LRWD1: variants seen among roughly 807,000 people sequenced by gnomAD.
LRWD1 encodes leucine rich repeats and WD repeat domain containing 1.
LRWD1 carries 76 observed loss-of-function variants against 75.6 expected under a neutral mutation model. The observed-to-expected ratio is 1.01, with a 90% CI of 0.84 to 1.22. The LOEUF is 1.22. LRWD1 is among the 50% of genes most tolerant of loss of function. The pLI is 0.00. For missense variants in LRWD1, 917 were observed against 862.0 expected (o/e 1.06, Z -0.80); for synonymous variants, 487 against 377.0 (o/e 1.29, Z -3.38).
In LRWD1 at chr7:102,472,768, A is replaced by C. The variant is rs1798249215; in HGVS notation, c.1767A>C (p.Pro589=). The C allele has an allele frequency of 6.2e-7, 1 of 1,613,128 alleles. No individual in the cohort carries two copies. The highest frequency in any genetic ancestry group is 1.7e-5 in the Admixed American group (1 of 59,984). ...LYDVSNILKQ[P]PLLPAALQAP... ...ACGTCAGCAACATCCTGAAGCAGCC[A>C]CCCCTGCTGCCGGCAGCCCTGCAGG... The change falls in exon 14 of 15, where the codon CCA becomes CCC. Residue 589 remains proline, a synonymous_variant. Coordinates refer to ENST00000292616, the MANE Select transcript of LRWD1 (RefSeq NM_152892.3).
rs745627593 is a variant in LRWD1, at chr7:102,473,009, T to G, written c.1904T>G (p.Leu635Arg). 1 of 1,613,778 alleles carries G rather than the reference T, an allele frequency of 6.2e-7. No individual in the cohort carries two copies. The highest frequency in any genetic ancestry group is 1.1e-5 in the South Asian group (1 of 91,082). ...GCCTCCTTCACCTACCTCACCGCCCTGACGGACTCCAACATCGTAGCCATC... is the reference window on the plus strand; with the variant it reads ...GCCTCCTTCACCTACCTCACCGCCCGGACGGACTCCAACATCGTAGCCATC... ...ANASFTYLTA[L>R]TDSNIVAIWG... Residue 635 changes from leucine to arginine, a missense_variant, in exon 15 of 15, where the codon CTG (leucine) becomes CGG (arginine). Leu to Arg is a moderately radical substitution (Grantham distance 102). Transcript: ENST00000292616.
intron 11 of LRWD1, 43 bp downstream of exon 11, chr7:102,469,925 G>C (rs372376061): frequency 6.8e-7 from 1 of 1,460,492 alleles, no homozygotes; most frequent in Non-Finnish European, 9.0e-7. Context: ...GGCCTCTGCA[G>C]AGGGTGGCTG....
In LRWD1 at chr7:102,472,514, G is replaced by T. The variant is rs1474080229; in HGVS notation, c.1595G>T (p.Gly532Val). 1.5e-5 allele frequency: 23 copies of T among 1,557,582 alleles called. No individual in the cohort carries two copies. Among genetic ancestry groups the T allele is most frequent in the Non-Finnish European group, 1.9e-5 (22 of 1,152,550 alleles). Residue 532 changes from glycine (G) to valine (V), a missense_variant, in exon 13 of 15, where the codon GGC (glycine) becomes GTC (valine). Physicochemically the swap from Gly to Val is moderately radical, Grantham distance 109. Coordinates refer to ENST00000292616, the MANE Select transcript of LRWD1 (RefSeq NM_152892.3). Reference sequence around the variant, plus strand: ...TGGAGCTGGAGGCAGACGTGGGGGGGCCGGGGCAGCCAGTCCACGGTGGCA... The same window carrying T: ...TGGAGCTGGAGGCAGACGTGGGGGGTCCGGGGCAGCCAGTCCACGGTGGCA... ...CLWSWRQTWG[G>V]RGSQSTVAVV...
At chr7:102,467,139 AGGCACCTGGGT>A (rs1563654059) in intron 3 of LRWD1, among the ~76,000 whole-genome samples, 189 bp from the exon 4 acceptor site, 17 of 45,958 alleles carry the variant, frequency 3.7e-4, no homozygotes, top group East Asian at 9.6e-4. Context: ...GTGTGTGTGT[AGGCACCTGGGT>A]TGTTGCTGGG....
chr7:102,467,418 A>T lies in LRWD1; in HGVS notation c.512A>T (p.Lys171Met). 4 of 1,613,800 alleles carry T rather than the reference A, an allele frequency of 2.5e-6. No homozygotes were observed. The highest frequency in any genetic ancestry group is 3.4e-6 in the Non-Finnish European group (4 of 1,179,956). ...EAEKAQADFVKSAVRDVRYGP... is the reference protein window; with the variant it reads ...EAEKAQADFVMSAVRDVRYGP... The stretch of plus-strand genomic sequence containing the variant: ...GAGAAGGCCCAGGCGGACTTTGTGA[A>T]GTCGGCTGTCAGGGATGTCCGCTAC... The change falls in exon 4 of 15, where the codon AAG becomes ATG. Residue 171 changes from lysine (K) to methionine (M), a missense_variant. Transcript: ENST00000292616.
rs1201743113 is a variant in LRWD1, at chr7:102,468,373, G to A, written c.915G>A (p.Glu305=). Residue 305 remains glutamate, a synonymous_variant, in exon 7 of 15, where the codon GAG becomes GAA. Transcript: ENST00000292616. Reference sequence around the variant, plus strand: ...CCTGTGCCTTCGAGCCGGCCTGGGAGGAGGGTACATGGTGGCGGGCAGGCG... The same window carrying A: ...CCTGTGCCTTCGAGCCGGCCTGGGAAGAGGGTACATGGTGGCGGGCAGGCG... ...LWACAFEPAW[E]EGATSQTVAT... 1 of 1,605,724 alleles carries A rather than the reference G, an allele frequency of 6.2e-7. No homozygotes were observed.
chr7:102,465,937 C>T lies in LRWD1; in HGVS notation c.201C>T (p.Gly67=). Residue 67 remains glycine, a synonymous_variant, in exon 2 of 15, where the codon GGC becomes GGT. Coordinates refer to ENST00000292616, the MANE Select transcript of LRWD1 (RefSeq NM_152892.3). ...TGGAGACGCTGCCGGACAACCTGGG[C>T]CTGTCCCACCTGCGTGTCCTCCGCT... ...NHLETLPDNL[G]LSHLRVLRCA... is the part of the protein sequence containing the mutation. The T allele has an allele frequency of 6.2e-7, 1 of 1,613,802 alleles. No homozygotes were observed. The highest frequency in any genetic ancestry group is 8.5e-7 in the Non-Finnish European group (1 of 1,180,008).
chr7:102,473,049 G>A lies in LRWD1; in HGVS notation c.1944G>A (p.Ter648=), dbSNP rs148895778. ...SNIVAIWGRM[*] is the part of the protein sequence containing the mutation. Reference sequence around the variant, plus strand: ...TCGTAGCCATCTGGGGGAGGATGTAGCCTCACACCATCGCAAAGGACCAGG... The same window carrying A: ...TCGTAGCCATCTGGGGGAGGATGTAACCTCACACCATCGCAAAGGACCAGG... The change falls in exon 15 of 15, where the codon TAG becomes TAA. Residue 648 remains the stop codon, a stop_retained_variant. Coordinates refer to ENST00000292616, the MANE Select transcript of LRWD1 (RefSeq NM_152892.3). The A allele has an allele frequency of 4.2e-5, 68 of 1,609,268 alleles. No individual in the cohort carries two copies. The African/African-American group carries it at 8.3e-4, about 20-fold the overall frequency.
intron 9 of LRWD1, 96 bp from the exon 10 acceptor site, chr7:102,469,478 T>C: frequency 7.0e-7 from 1 of 1,419,212 alleles, no homozygotes; most frequent in Non-Finnish European, 9.8e-7. Flanking sequence ...TCGGAGGGGC[T>C]GGCCTTGGGA....
chr7:102,468,660 TGCAAGGCCCTGTCCCTGCTGG>T lies in LRWD1; in HGVS notation c.1020+13_1020+33del. ...AGTACAAGGCACCCGGCGAGGTGAG[TGCAAGGCCCTGTCCCTGCTGG>T]GCAAGGGTGCCCGACTGACTCCTGA... On this transcript the variant is annotated splice_region_variant and intron_variant, in intron 8 of 14. Coordinates refer to ENST00000292616, the MANE Select transcript of LRWD1 (RefSeq NM_152892.3). 1 of 1,558,942 alleles carries T rather than the reference TGCAAGGCCCTGTCCCTGCTGG, an allele frequency of 6.4e-7. No individual in the cohort carries two copies. Among genetic ancestry groups the T allele is most frequent in the South Asian group, 1.2e-5 (1 of 84,674 alleles).
At chr7:102,465,205 G>C (rs1235003573) in intron 1 of LRWD1, 45 bp downstream of exon 1, 1 of 1,401,852 alleles carries the variant, frequency 7.1e-7, no homozygotes, top group East Asian at 3.0e-5. Flanking sequence ...GGGGCCGGGC[G>C]GTCGGGGAGA....
intron 2 of LRWD1, 27 bp downstream of exon 2, chr7:102,466,078 A>G: frequency 6.2e-7 from 1 of 1,613,480 alleles, no homozygotes; most frequent in South Asian, 1.1e-5. Flanking sequence ...CACCAGCTTC[A>G]TACCTGGGGC....
At position 102,469,858 on chromosome 7, in the gene LRWD1, G is replaced by T. The variant is rs201589745; in HGVS notation, c.1418G>T (p.Arg473Leu). The change falls in exon 11 of 15, where the codon CGG (arginine) becomes CTG (leucine). Residue 473 changes from arginine to leucine, a missense_variant. Physicochemically the swap from Arg to Leu is moderately radical, Grantham distance 102 (BLOSUM62 -2). Coordinates refer to ENST00000292616, the MANE Select transcript of LRWD1 (RefSeq NM_152892.3). ...GGCGGCTGCTGCTGCTGGGACGTGC[G>T]GCTGGACCAGCCCCAAAAGAGGAGG... ...CEGGCCCWDV[R>L]LDQPQKRRVC... is the part of the protein sequence containing the mutation. 6.3e-7 allele frequency: 1 copy of T among 1,588,400 alleles called. No homozygotes were observed. The highest frequency in any genetic ancestry group is 1.1e-5 in the South Asian group (1 of 87,954).
At chr7:102,465,444 T>A in intron 1 of LRWD1, 1 of 358,616 alleles carries the variant, frequency 2.8e-6, no homozygotes, top group Non-Finnish European at 4.9e-6. Flanking sequence ...AGGAAGAGCA[T>A]CCTAGAGGGG....
chr7:102,468,942 C>T lies in LRWD1; in HGVS notation c.1108C>T (p.Leu370=). 1 of 1,612,812 alleles carries T rather than the reference C, an allele frequency of 6.2e-7. No homozygotes were observed. ...KRWSVLAAAG[L]RGLVRLLHVR... ...CTGGAGTGTGCTGGCGGCTGCAGGC[C>T]TACGGGGCCTGGTCCGGCTGCTGCA... is the stretch of plus-strand genomic sequence containing the variant. The change falls in exon 9 of 15, where the codon CTA becomes TTA. Residue 370 remains leucine, a synonymous_variant. Coordinates refer to ENST00000292616, the MANE Select transcript of LRWD1 (RefSeq NM_152892.3).
rs140741148 is a variant in LRWD1, at chr7:102,466,015, C to T, written c.279C>T (p.Leu93=). ...DVTALCQFPK[L]EELSLEGNPF... ...CTGCCTTGTGCCAGTTCCCCAAGCT[C>T]GAGGAACTCAGCCTGGAGGGCAACC... The change falls in exon 2 of 15, where the codon CTC becomes CTT. Residue 93 remains leucine, a synonymous_variant. Transcript: ENST00000292616. The T allele has an allele frequency of 6.9e-4, 1,118 of 1,614,016 alleles. 6 individuals carry two copies. The highest frequency in any genetic ancestry group is 4.9e-3 in the Middle Eastern group (30 of 6,062).
chr7:102,468,364 G>C lies in LRWD1; in HGVS notation c.906G>C (p.Pro302=), dbSNP rs752220551. 1.2e-6 allele frequency: 2 copies of C among 1,607,568 alleles called. No individual in the cohort carries two copies. The highest frequency in any genetic ancestry group is 3.4e-5 in the Admixed American group (2 of 58,734). Reference sequence around the variant, plus strand: ...AGCTGTGGGCCTGTGCCTTCGAGCCGGCCTGGGAGGAGGGTACATGGTGGC... The same window carrying C: ...AGCTGTGGGCCTGTGCCTTCGAGCCCGCCTGGGAGGAGGGTACATGGTGGC... ...ETQLWACAFE[P]AWEEGATSQT... Residue 302 remains proline, a synonymous_variant, in exon 7 of 15, where the codon CCG becomes CCC. Transcript: ENST00000292616.
chr7:102,470,693 A>G (rs1204112107), intron 11 of LRWD1: 1 of 152,362 alleles, frequency 6.6e-6, no homozygotes, highest in Non-Finnish European at 1.5e-5. Context: ...GACCCAGCCC[A>G]GAACAAGGTG....
At position 102,467,397 on chromosome 7, in the gene LRWD1, A is replaced by C; in HGVS notation, c.491A>C (p.Lys164Thr). The change falls in exon 4 of 15, where the codon AAG (lysine) becomes ACG (threonine). Residue 164 changes from lysine to threonine, a missense_variant. By Grantham distance (78) the Lys-to-Thr change is moderately conservative. Transcript: ENST00000292616. ...CTGGGTCCTGAAGAGGAGGCTGAGAAGGCCCAGGCGGACTTTGTGAAGTCG... is the reference window on the plus strand; with the variant it reads ...CTGGGTCCTGAAGAGGAGGCTGAGACGGCCCAGGCGGACTTTGTGAAGTCG... ...ATLGPEEEAE[K>T]AQADFVKSAV... 1 of 1,613,760 alleles carries C rather than the reference A, an allele frequency of 6.2e-7. No individual in the cohort carries two copies. Among genetic ancestry groups the C allele is most frequent in the Non-Finnish European group, 8.5e-7 (1 of 1,179,926 alleles).
Sources: gnomAD v4.1 joint callset for allele counts (sites outside exome capture counted in the v4.1 genomes callset) on GRCh38, gnomAD v4.1.1 for gene constraint, MANE v1.5 for transcripts, NCBI Gene and HGNC (gene_info 2026-07-23, HGNC 2026-07-21) for gene names.